Variants in ZZEF1 observed in about 807,000 individuals in gnomAD.
ZZEF1 encodes zinc finger ZZ-type and EF-hand domain containing 1.
In ZZEF1, 157 loss-of-function variants were observed where a neutral mutation model predicts 342.8. The observed-to-expected ratio is 0.46, with a 90% CI of 0.40 to 0.52. The LOEUF (loss-of-function observed/expected upper bound fraction) is 0.52, where lower values mean the gene tolerates loss of function less well. Ranked by LOEUF, ZZEF1 falls within the 20% of genes least tolerant of loss-of-function variation. The pLI, the probability that ZZEF1 is intolerant of heterozygous loss-of-function variation, is 0.00. For synonymous variants in ZZEF1, 1,505 were observed against 1,429.1 expected (o/e 1.05, Z -1.20); for missense variants, 3,480 against 3,725.6 (o/e 0.93, Z 1.72).
chr17:4,023,857 CACAA>C (rs1165300866), intron 43 of ZZEF1, among the ~76,000 whole-genome samples: 4 of 151,968 alleles, frequency 2.6e-5, no homozygotes, highest in Admixed American at 1.3e-4. Context: ...AGAGAAAACC[CACAA>C]ACAAACAAAC....
intron 53 of ZZEF1, chr17:4,009,244 GC>G: frequency 1.8e-6 from 1 of 561,548 alleles, no homozygotes; most frequent in East Asian, 3.0e-5. Flanking sequence ...ACTCTGAAAG[GC>G]CCTTTCAGCT....
At chr17:4,051,747 GA>G (rs35370638) in intron 35 of ZZEF1, among the ~76,000 whole-genome samples, 4,306 of 128,828 alleles carry the variant, frequency 0.033, 62 homozygotes, top group Non-Finnish European at 0.044. Context: ...TTTAACACAG[GA>G]AAAAAAAAAA....
intron 28 of ZZEF1, among the ~76,000 whole-genome samples, chr17:4,065,771 CCATAA>C (rs2057379840): frequency 6.6e-6 from 1 of 152,010 alleles, no homozygotes; most frequent in South Asian, 2.1e-4. Flanking sequence ...AAAATAACAA[CCATAA>C]TATTTAAAAA....
chr17:4,007,474 G>A (rs966873369), intron 54 of ZZEF1, among the ~76,000 whole-genome samples: 7 of 152,100 alleles, frequency 4.6e-5, no homozygotes, highest in Non-Finnish European at 7.4e-5. Flanking sequence ...AGGGAGAAAC[G>A]TCAGGACACT....
chr17:4,117,239 T>C, intron 2 of ZZEF1, 73 bp from the exon 3 acceptor site: 1 of 1,232,836 alleles, frequency 8.1e-7, no homozygotes. Context: ...CCTGGTGGCC[T>C]ATCTGAATTG....
Position 4,054,197 on chromosome 17 carries a change from T to C in ZZEF1, c.5296-2A>G. 6.2e-7 allele frequency: 1 copy of C among 1,610,716 alleles called. No individual in the cohort carries two copies. Among genetic ancestry groups the C allele is most frequent in the East Asian group, 2.2e-5 (1 of 44,856 alleles). On this transcript the variant is annotated splice_acceptor_variant, in intron 33 of 54. Coordinates refer to ENST00000381638, the MANE Select transcript of ZZEF1 (RefSeq NM_015113.4). LOFTEE classifies it high-confidence loss of function. ...GTAGCGAGCAATGAACATGTGCATC[T>C]GTAAGGCCAAACATATACAATTAAC...
At chr17:4,101,719 C>A (rs1175427992) in intron 9 of ZZEF1, among the ~76,000 whole-genome samples, 2 of 152,102 alleles carry the variant, frequency 1.3e-5, no homozygotes, top group Non-Finnish European at 2.9e-5. Context: ...CTCAACCTCC[C>A]GGGTTCAAGT....
At chr17:4,071,036 G>A (rs941687683) in intron 25 of ZZEF1, 112 bp from the exon 26 acceptor site, 80 of 1,273,764 alleles carry the variant, frequency 6.3e-5, no homozygotes, top group South Asian at 3.3e-4. Flanking sequence ...AACACTCTCC[G>A]GAAGTTTAAA....
At chr17:4,021,097 C>T (rs767754487) in intron 45 of ZZEF1, 32 bp downstream of exon 45, 1 of 1,562,606 alleles carries the variant, frequency 6.4e-7, no homozygotes, top group Admixed American at 1.9e-5. Context: ...TCAGAAGCCC[C>T]TCCTAAGCCA....
At chr17:4,133,471 T>C (rs2058701056) in intron 1 of ZZEF1, among the ~76,000 whole-genome samples, 1 of 152,144 alleles carries the variant, frequency 6.6e-6, no homozygotes, top group African/African-American at 2.4e-5. Flanking sequence ...TTAAAACCTC[T>C]TAGCTCCATT....
chr17:4,121,580 C>A (rs1313017388), intron 2 of ZZEF1, among the ~76,000 whole-genome samples: 5 of 152,064 alleles, frequency 3.3e-5, no homozygotes, highest in Admixed American at 2.0e-4. Flanking sequence ...GAATGGAGAT[C>A]CCACTGCACT....
At chr17:4,039,724 A>G (rs1015646085) in intron 39 of ZZEF1, among the ~76,000 whole-genome samples, 12 of 146,806 alleles carry the variant, frequency 8.2e-5, no homozygotes, top group African/African-American at 3.0e-4. Context: ...GCTCACTGCA[A>G]CCTCCGCCTC....
chr17:4,056,198 C>G lies in ZZEF1; in HGVS notation c.5295+18G>C, dbSNP rs374030337. 2.6e-6 allele frequency: 4 copies of G among 1,563,276 alleles called. No homozygotes were observed. The African/African-American group carries it at 5.5e-5, about 21-fold the overall frequency. On this transcript the variant is annotated intron_variant, in intron 33 of 54. Transcript: ENST00000381638. ...TCCTAGCAAATCACTTCAGAGTACTCTAGTTGAGAGGTCTTACTTTCCTCT... is the reference window on the plus strand; with the variant it reads ...TCCTAGCAAATCACTTCAGAGTACTGTAGTTGAGAGGTCTTACTTTCCTCT...
intron 1 of ZZEF1, among the ~76,000 whole-genome samples, chr17:4,132,820 G>A (rs1012971502): frequency 1.3e-5 from 2 of 150,812 alleles, no homozygotes; most frequent in African/African-American, 2.4e-5. Flanking sequence ...CAAAAAATTA[G>A]CCGGGTGTGG....
intron 16 of ZZEF1, among the ~76,000 whole-genome samples, chr17:4,084,942 T>A (rs1444740820): frequency 6.6e-6 from 1 of 152,120 alleles, no homozygotes; most frequent in Non-Finnish European, 1.5e-5. Flanking sequence ...GCAAAACTCA[T>A]CTCTACAAAA....
At chr17:4,054,382 T>C (rs1439070904) in intron 33 of ZZEF1, among the ~76,000 whole-genome samples, 187 bp from the exon 34 acceptor site, 2 of 152,192 alleles carry the variant, frequency 1.3e-5, no homozygotes, top group African/African-American at 2.4e-5. Context: ...GACCATTTAG[T>C]ATGACCAGTG....
At chr17:4,054,034 C>T (rs772289002) in intron 34 of ZZEF1, 23 bp downstream of exon 34, 6 of 1,603,784 alleles carry the variant, frequency 3.7e-6, no homozygotes, top group Middle Eastern at 3.3e-4. Context: ...TTGGATACGG[C>T]GTACCCAGTT....
intron 42 of ZZEF1, among the ~76,000 whole-genome samples, chr17:4,030,039 A>G (rs1318915114): frequency 6.6e-6 from 1 of 151,456 alleles, no homozygotes; most frequent in Non-Finnish European, 1.5e-5. Context: ...AAAAAAAAAA[A>G]AAAGAAAAGA....
In ZZEF1 at chr17:4,008,806, G is replaced by T; in HGVS notation, c.8805+77C>A. 1 of 1,531,100 alleles carries T rather than the reference G, an allele frequency of 6.5e-7. No homozygotes were observed. The highest frequency in any genetic ancestry group is 1.2e-5 in the South Asian group (1 of 83,270). The allele number at this position is 1,531,100 out of a possible 1,614,324, so 94.8% of individuals were successfully genotyped here. On this transcript the variant is annotated intron_variant, in intron 54 of 54. Transcript: ENST00000381638. The surrounding 1 kb of genome is among the most constrained non-coding windows in gnomAD (Gnocchi z 4.2). ...CTGTCCTACTCAGACGCAATGTACA[G>T]ACCTTCTCTGCCCTGGCAATGGTGA...
Sources: gnomAD v4.1 joint callset for allele counts (sites outside exome capture counted in the v4.1 genomes callset) on GRCh38, gnomAD v4.1.1 for gene constraint, Gnocchi (gnomAD v3.1) non-coding constraint, MANE v1.5 for transcripts, NCBI Gene and HGNC (gene_info 2026-07-23, HGNC 2026-07-21) for gene names.